Variants in LIPC observed in about 807,000 individuals in gnomAD.
LIPC encodes the protein hepatic triacylglycerol lipase.
In LIPC, 44 loss-of-function variants were observed where a neutral mutation model predicts 50.7. The ratio of observed to expected loss-of-function variants is 0.87; its 90% CI spans 0.68 to 1.11. The LOEUF (loss-of-function observed/expected upper bound fraction) is 1.11, where lower values mean the gene tolerates loss of function less well. LIPC is among the 50% of genes most tolerant of loss of function. The probability of loss-of-function intolerance (pLI) is 0.00; values close to 1 mark genes in which losing one functional copy is unlikely to be tolerated. For missense variants in LIPC, 697 were observed against 648.2 expected, an observed-to-expected ratio of 1.08 and a Z score of -0.82; for synonymous variants, 271 against 256.4, an observed-to-expected ratio of 1.06 and a Z score of -0.54.
intron 1 of LIPC, among the ~76,000 whole-genome samples, chr15:58,527,877 G>T (rs1168448988): frequency 6.6e-6 from 1 of 152,138 alleles, no homozygotes; most frequent in East Asian, 1.9e-4. Context: ...TCAGCCGCAG[G>T]TCCGCACATG....
At chr15:58,537,612 G>A (rs1305671297) in intron 1 of LIPC, among the ~76,000 whole-genome samples, 1 of 152,118 alleles carries the variant, frequency 6.6e-6, no homozygotes, top group Admixed American at 6.5e-5. Flanking sequence ...GCATGCCTGT[G>A]AGCCTCGACT....
At chr15:58,467,301 G>A (rs897111733) in intron 1 of LIPC, among the ~76,000 whole-genome samples, 29 of 152,164 alleles carry the variant, frequency 1.9e-4, no homozygotes, top group Admixed American at 1.5e-3. Flanking sequence ...TCTCTCAGGG[G>A]CTTCCTGCTT....
chr15:58,564,862 CG>C (rs1566954108), intron 8 of LIPC, among the ~76,000 whole-genome samples: 1 of 152,176 alleles, frequency 6.6e-6, no homozygotes. Context: ...TGGTTCTCCA[CG>C]GCAGAATTCC....
At chr15:58,432,166 T>G in intron 1 of LIPC, 46 bp downstream of exon 1, 3 of 1,355,920 alleles carry the variant, frequency 2.2e-6, no homozygotes, top group Non-Finnish European at 3.2e-6. Flanking sequence ...ACTTTTCTTT[T>G]TAAAACGTGT....
At chr15:58,501,732 C>T (rs550963055) in intron 1 of LIPC, among the ~76,000 whole-genome samples, 1 of 149,794 alleles carries the variant, frequency 6.7e-6, no homozygotes, top group Non-Finnish European at 1.5e-5. Flanking sequence ...AGAAAATTAC[C>T]CTACCAAGAT....
At chr15:58,488,476 T>C (rs2140797294) in intron 1 of LIPC, among the ~76,000 whole-genome samples, 1 of 152,266 alleles carries the variant, frequency 6.6e-6, no homozygotes. Flanking sequence ...CTCAGGCCTA[T>C]CCTATCTCAG....
chr15:58,536,214 G>T (rs367774176), intron 1 of LIPC, among the ~76,000 whole-genome samples: 3 of 152,158 alleles, frequency 2.0e-5, no homozygotes, highest in African/African-American at 7.2e-5. Context: ...GAATGGAGCA[G>T]CAGAGACAGA....
At chr15:58,459,370 A>G (rs1246586366) in intron 1 of LIPC, among the ~76,000 whole-genome samples, 1 of 151,472 alleles carries the variant, frequency 6.6e-6, no homozygotes, top group Non-Finnish European at 1.5e-5. Flanking sequence ...AGCTTGAGTG[A>G]AAATCTTTTG....
chr15:58,436,605 G>A (rs141468952), intron 1 of LIPC: 99 of 385,574 alleles, frequency 2.6e-4, no homozygotes, highest in African/African-American at 2.0e-3. Context: ...AGAGCAGAGG[G>A]TCATTAAAAT....
At chr15:58,551,483 A>G (rs1893755728) in intron 6 of LIPC, among the ~76,000 whole-genome samples, 1 of 152,250 alleles carries the variant, frequency 6.6e-6, no homozygotes, top group Non-Finnish European at 1.5e-5. Flanking sequence ...TCAAGTGCTC[A>G]AATACGTGGC....
chr15:58,534,678 G>A (rs2140898238), intron 1 of LIPC, among the ~76,000 whole-genome samples: 1 of 152,240 alleles, frequency 6.6e-6, no homozygotes. Flanking sequence ...GTGAGTGCCT[G>A]GCCACCAGGA....
At chr15:58,452,270 T>C (rs1893928047) in intron 1 of LIPC, among the ~76,000 whole-genome samples, 1 of 152,164 alleles carries the variant, frequency 6.6e-6, no homozygotes, top group Non-Finnish European at 1.5e-5. Flanking sequence ...GGCCCGGCAG[T>C]CTGGGTTTTA....
intron 1 of LIPC, among the ~76,000 whole-genome samples, chr15:58,520,040 T>A (rs774895931): frequency 6.6e-6 from 1 of 151,986 alleles, no homozygotes; most frequent in Non-Finnish European, 1.5e-5. Context: ...AAACTTGGAC[T>A]CTACATCCAG....
At chr15:58,542,945 T>C (rs1363624519) in intron 4 of LIPC, among the ~76,000 whole-genome samples, 5 of 152,232 alleles carry the variant, frequency 3.3e-5, no homozygotes, top group South Asian at 2.1e-4. Flanking sequence ...GAAAGAGTCT[T>C]ATTTTTTAAT....
chr15:58,520,752 G>C (rs552133322), intron 1 of LIPC, among the ~76,000 whole-genome samples: 1 of 152,298 alleles, frequency 6.6e-6, no homozygotes, highest in South Asian at 2.1e-4. Context: ...CAGGAAGCCT[G>C]ATTAATGCCG....
intron 1 of LIPC, among the ~76,000 whole-genome samples, chr15:58,503,899 C>G (rs917657228): frequency 6.6e-6 from 1 of 152,020 alleles, no homozygotes; most frequent in Non-Finnish European, 1.5e-5. Flanking sequence ...ACATACACAC[C>G]CACACACCCA....
At chr15:58,540,773 C>T (rs1400623220) in intron 2 of LIPC, among the ~76,000 whole-genome samples, 12 of 152,294 alleles carry the variant, frequency 7.9e-5, no homozygotes, top group African/African-American at 2.9e-4. Context: ...ACCACTACCA[C>T]ATTCACCTGC....
chr15:58,554,559 T>C (rs1398869493), intron 6 of LIPC, among the ~76,000 whole-genome samples: 1 of 151,930 alleles, frequency 6.6e-6, no homozygotes, highest in African/African-American at 2.4e-5. Flanking sequence ...TCTTCCTTTT[T>C]TTTTTTTTTA....
At chr15:58,479,993 C>T (rs1180516931) in intron 1 of LIPC, among the ~76,000 whole-genome samples, 1 of 152,214 alleles carries the variant, frequency 6.6e-6, no homozygotes, top group African/African-American at 2.4e-5. Flanking sequence ...AAGACAAGGC[C>T]TGGCCCATAG....
Sources: gnomAD v4.1 joint callset for allele counts (sites outside exome capture counted in the v4.1 genomes callset) on GRCh38, gnomAD v4.1.1 for gene constraint, MANE v1.5 for transcripts, NCBI Gene and HGNC (gene_info 2026-07-23, HGNC 2026-07-21) for gene names.